Variants in SLC46A3 observed in about 807,000 individuals in gnomAD.
The protein encoded by SLC46A3 is solute carrier family 46 member 3.
In SLC46A3, 26 loss-of-function variants were observed where a neutral mutation model predicts 38.5. The ratio of observed to expected loss-of-function variants is 0.68; its 90% CI spans 0.49 to 0.94. SLC46A3 has a LOEUF of 0.94. Among genes scored for constraint, SLC46A3 ranks in the 40% least tolerant of loss-of-function variants. The pLI, the probability that SLC46A3 is intolerant of heterozygous loss-of-function variation, is 0.00. For synonymous variants in SLC46A3, 185 were observed against 192.5 expected (o/e 0.96, Z 0.32); for missense variants, 510 against 544.3 (o/e 0.94, Z 0.63).
Position 28,713,268 on chromosome 13 carries a change from G to C in SLC46A3, c.472C>G (p.Gln158Glu). 1 of 1,613,934 alleles carries C rather than the reference G, an allele frequency of 6.2e-7. No homozygotes were observed. The highest frequency in any genetic ancestry group is 8.5e-7 in the Non-Finnish European group (1 of 1,180,030). Residue 158 changes from glutamine (Q) to glutamate (E), a missense_variant, in exon 3 of 6, where the codon CAG (glutamine) becomes GAG (glutamate). Coordinates refer to ENST00000266943, the MANE Select transcript of SLC46A3 (RefSeq NM_181785.4). ...WGACFAYIVD[Q>E]CKEHKQKTIR... ...GTTTTTTGTTTGTGTTCTTTACACT[G>C]ATCAACTATATAGGCAAAGCAAGCT...
chr13:28,710,755 C>T lies in SLC46A3; in HGVS notation c.1144+5G>A, dbSNP rs200689975. The T allele has an allele frequency of 6.2e-7, 1 of 1,605,112 alleles. No homozygotes were observed. Among genetic ancestry groups the T allele is most frequent in the East Asian group, 2.2e-5 (1 of 44,836 alleles). On this transcript the variant is annotated splice_donor_5th_base_variant and intron_variant, in intron 4 of 5. Coordinates refer to ENST00000266943, the MANE Select transcript of SLC46A3 (RefSeq NM_181785.4). ...ATTCATATTTCTTAAGCAAATTAAACTCACCTTGTTCAGTCGAACGAACCA... is the reference window on the plus strand; with the variant it reads ...ATTCATATTTCTTAAGCAAATTAAATTCACCTTGTTCAGTCGAACGAACCA...
chr13:28,701,649 C>A, intron 5 of SLC46A3, 68 bp from the exon 6 acceptor site: 1 of 1,474,860 alleles, frequency 6.8e-7, no homozygotes, highest in Admixed American at 2.0e-5. Flanking sequence ...ATCTGTTTTC[C>A]AACTTTTTTT....
chr13:28,708,438 A>G (rs192016252), intron 4 of SLC46A3, among the ~76,000 whole-genome samples: 155 of 152,220 alleles, frequency 1.0e-3, no homozygotes, highest in African/African-American at 3.6e-3. Flanking sequence ...TCACTTGTAT[A>G]TCTTCTATTC....
chr13:28,716,501 C>A (rs1149229), intron 2 of SLC46A3, among the ~76,000 whole-genome samples: 145,955 of 152,164 alleles, frequency 0.96, 70,290 homozygotes, highest in East Asian at 1. Flanking sequence ...TAAACACTTA[C>A]AAAAAGAAAC....
In SLC46A3 at chr13:28,711,150, C is replaced by A. The variant is rs140745119; in HGVS notation, c.1061-307G>T. On this transcript the variant is annotated intron_variant, in intron 3 of 5. Coordinates refer to ENST00000266943, the MANE Select transcript of SLC46A3 (RefSeq NM_181785.4). Reference sequence around the variant, plus strand: ...GATTAAGACTGATCTGCTGGCCGGGCGCAGTGGCTCACACCTGTAATCCCA... The same window carrying A: ...GATTAAGACTGATCTGCTGGCCGGGAGCAGTGGCTCACACCTGTAATCCCA... 8.1e-3 allele frequency among the ~76,000 whole-genome samples: 1,230 copies of A among 152,234 alleles called. 16 individuals carry two copies. The highest frequency in any genetic ancestry group is 0.028 in the African/African-American group (1,177 of 41,522).
At chr13:28,712,027 T>C (rs748184083) in intron 3 of SLC46A3, among the ~76,000 whole-genome samples, 35 of 152,174 alleles carry the variant, frequency 2.3e-4, no homozygotes, top group Non-Finnish European at 3.8e-4. Context: ...CCCTGCAAGA[T>C]AGTAAGGGGT....
chr13:28,702,287 A>G (rs1291537872), intron 5 of SLC46A3, among the ~76,000 whole-genome samples: 1 of 152,070 alleles, frequency 6.6e-6, no homozygotes, highest in African/African-American at 2.4e-5. Context: ...GCCTGCTACA[A>G]TTCTTGTTAG....
chr13:28,714,923 A>C (rs1224665478), intron 2 of SLC46A3, among the ~76,000 whole-genome samples: 2 of 152,224 alleles, frequency 1.3e-5, no homozygotes, highest in African/African-American at 4.8e-5. Flanking sequence ...GCATGATCTT[A>C]AAACATTTTT....
At chr13:28,704,497 A>T (rs1484961420) in intron 4 of SLC46A3, 1 of 157,906 alleles carries the variant, frequency 6.3e-6, no homozygotes, top group Non-Finnish European at 1.4e-5. Context: ...ACCCCATGCT[A>T]ATCTGTGACA....
chr13:28,713,810 A>G (rs572443453), intron 2 of SLC46A3, among the ~76,000 whole-genome samples: 1 of 152,334 alleles, frequency 6.6e-6, no homozygotes, highest in East Asian at 1.9e-4. Context: ...ATTTGCATGT[A>G]TATAATGAGA....
intron 2 of SLC46A3, among the ~76,000 whole-genome samples, chr13:28,715,266 A>G (rs1885495011): frequency 6.6e-6 from 1 of 152,230 alleles, no homozygotes; most frequent in South Asian, 2.1e-4. Context: ...CAATAAATGA[A>G]AAAGTCAATT....
Position 28,701,438 on chromosome 13 carries a change from A to G in SLC46A3, c.*59T>C. ...ATTGTGGAATTCATTTATAGTCTTC[A>G]GAAGTCATGGTATATGATATGTGCA... On this transcript the variant is annotated 3_prime_UTR_variant, in exon 6 of 6. Coordinates refer to ENST00000266943, the MANE Select transcript of SLC46A3 (RefSeq NM_181785.4). The G allele has an allele frequency of 6.3e-7, 1 of 1,587,906 alleles. No individual in the cohort carries two copies. Among genetic ancestry groups the G allele is most frequent in the Non-Finnish European group, 8.5e-7 (1 of 1,171,148 alleles).
At chr13:28,710,724 T>C (rs1306934033) in intron 4 of SLC46A3, 36 bp downstream of exon 4, 6 of 1,460,738 alleles carry the variant, frequency 4.1e-6, no homozygotes, top group South Asian at 3.5e-5. Flanking sequence ...TTTGTAAAGA[T>C]GGTAGATTCA....
At chr13:28,715,778 T>C (rs1200079606) in intron 2 of SLC46A3, among the ~76,000 whole-genome samples, 4 of 152,222 alleles carry the variant, frequency 2.6e-5, no homozygotes, top group Non-Finnish European at 5.9e-5. Flanking sequence ...ATCTGATCAC[T>C]ATACATTGTA....
chr13:28,709,833 C>G (rs1329346764), intron 4 of SLC46A3, among the ~76,000 whole-genome samples: 1 of 152,190 alleles, frequency 6.6e-6, no homozygotes, highest in East Asian at 1.9e-4. Flanking sequence ...TGCCCACTCT[C>G]TATAATGGCC....
chr13:28,713,912 T>C (rs1314446469), intron 2 of SLC46A3, among the ~76,000 whole-genome samples: 1 of 152,226 alleles, frequency 6.6e-6, no homozygotes, highest in Non-Finnish European at 1.5e-5. Context: ...TTTTATACAA[T>C]ATTTTAAACA....
chr13:28,703,914 T>C (rs1480902097), intron 5 of SLC46A3, 29 bp downstream of exon 5: 2 of 1,559,968 alleles, frequency 1.3e-6, no homozygotes, highest in Non-Finnish European at 1.7e-6. Flanking sequence ...ATATACCCTC[T>C]GATAAAATGA....
At chr13:28,717,787 C>T in intron 2 of SLC46A3, 23 bp downstream of exon 2, 1 of 1,602,884 alleles carries the variant, frequency 6.2e-7, no homozygotes, top group Non-Finnish European at 8.5e-7. Context: ...TTATTAAATA[C>T]TATGGATATT....
At chr13:28,706,536 A>C (rs1309056847) in intron 4 of SLC46A3, among the ~76,000 whole-genome samples, 1 of 152,190 alleles carries the variant, frequency 6.6e-6, no homozygotes, top group Non-Finnish European at 1.5e-5. Flanking sequence ...AAACATTTTA[A>C]AATATTACTA....
Sources: allele counts gnomAD v4.1 joint callset (sites outside exome capture counted in the v4.1 genomes callset), GRCh38; gene constraint gnomAD v4.1.1; transcripts MANE v1.5; gene names NCBI Gene and HGNC (gene_info 2026-07-23, HGNC 2026-07-21).